SEPTIN9: variants seen among roughly 807,000 people sequenced by gnomAD.
SEPTIN9 encodes septin-9.
A neutral mutation model predicts 56.6 loss-of-function variants in SEPTIN9; 13 were observed. That is an observed-to-expected ratio of 0.23 (90% CI 0.15 to 0.37). The LOEUF is 0.37. SEPTIN9 is among the 10% of genes least tolerant of loss of function. The pLI, the probability that SEPTIN9 is intolerant of heterozygous loss-of-function variation, is 1.00. For synonymous variants in SEPTIN9, 332 were observed against 334.1 expected (o/e 0.99, Z 0.07); for missense variants, 650 against 823.1 (o/e 0.79, Z 2.57).
At chr17:77,424,626 G>T (rs1253488634) in intron 3 of SEPTIN9, among the ~76,000 whole-genome samples, 1 of 152,154 alleles carries the variant, frequency 6.6e-6, no homozygotes, top group Non-Finnish European at 1.5e-5. Context: ...GCTTTTTTCT[G>T]GGGGCCTTGC....
At chr17:77,412,530 A>G (rs1378593827) in intron 3 of SEPTIN9, among the ~76,000 whole-genome samples, 1 of 152,120 alleles carries the variant, frequency 6.6e-6, no homozygotes, top group African/African-American at 2.4e-5. Context: ...TGAGCTTAGG[A>G]GTTCGAGACC....
intron 2 of SEPTIN9, among the ~76,000 whole-genome samples, chr17:77,384,122 G>A (rs1281267268): frequency 6.6e-6 from 1 of 152,194 alleles, no homozygotes; most frequent in East Asian, 1.9e-4. Context: ...CCGGAGTGGG[G>A]TGATTCGCAA....
At chr17:77,375,567 G>A (rs978508422) in intron 2 of SEPTIN9, 2 of 152,306 alleles carry the variant, frequency 1.3e-5, no homozygotes, top group African/African-American at 4.8e-5. Flanking sequence ...TTCTGCGGCT[G>A]TCTCCCAAGC....
At chr17:77,452,438 T>A (rs1173868931) in intron 3 of SEPTIN9, among the ~76,000 whole-genome samples, 2 of 152,248 alleles carry the variant, frequency 1.3e-5, no homozygotes, top group Non-Finnish European at 2.9e-5. Flanking sequence ...ACTTCATCCC[T>A]GGCCCCTCTC....
chr17:77,282,726 C>G (rs1158962671), intron 1 of SEPTIN9, among the ~76,000 whole-genome samples: 1 of 152,354 alleles, frequency 6.6e-6, no homozygotes, highest in Middle Eastern at 3.4e-3. Context: ...TCTACGCACC[C>G]GGAGCACAGC....
At position 77,492,829 on chromosome 17, in the gene SEPTIN9, G is replaced by A. The variant is rs989512197; in HGVS notation, c.1476+113G>A. The A allele has an allele frequency of 8.1e-7, 1 of 1,233,966 alleles. No individual in the cohort carries two copies. The highest frequency in any genetic ancestry group is 1.2e-5 in the South Asian group (1 of 82,040). The allele number at this position is 1,233,966 out of a possible 1,614,324, so 76.4% of individuals were successfully genotyped here. A position where few individuals can be genotyped will look rare whatever the true frequency, so the allele number is the denominator to read the frequency against. On this transcript the variant is annotated intron_variant, in intron 9 of 11. Transcript: ENST00000427177. This position sits in a 1 kb window ranked among gnomAD's most constrained non-coding sequence, Gnocchi z 5.4. ...GAAATTATATTCTTGGGGCCAGAGGGCACTGAGCCCAGGTGTCTGTACCCA... is the reference window on the plus strand; with the variant it reads ...GAAATTATATTCTTGGGGCCAGAGGACACTGAGCCCAGGTGTCTGTACCCA...
chr17:77,411,654 C>T (rs753541750), intron 3 of SEPTIN9, among the ~76,000 whole-genome samples: 4 of 152,042 alleles, frequency 2.6e-5, no homozygotes, highest in Admixed American at 6.6e-5. Flanking sequence ...CCCACCTCGG[C>T]CTCCCAAAGT....
intron 10 of SEPTIN9, among the ~76,000 whole-genome samples, chr17:77,494,127 T>C (rs1248519994): frequency 6.6e-6 from 1 of 151,516 alleles, no homozygotes; most frequent in African/African-American, 2.5e-5. Context: ...ACTTAGGGCC[T>C]ACCCTAAGTG....
At chr17:77,388,870 G>A (rs913794502) in intron 2 of SEPTIN9, among the ~76,000 whole-genome samples, 43 of 129,330 alleles carry the variant, frequency 3.3e-4, no homozygotes, top group Admixed American at 1.2e-3. Flanking sequence ...TCCCCTAATG[G>A]ACAATGAGAC....
chr17:77,282,583 T>C (rs2031075810), intron 1 of SEPTIN9, among the ~76,000 whole-genome samples: 1 of 152,214 alleles, frequency 6.6e-6, no homozygotes, highest in African/African-American at 2.4e-5. Flanking sequence ...TGGCTTTCCA[T>C]ATTTAGGAAC....
chr17:77,335,634 C>T (rs1040053209), intron 2 of SEPTIN9, among the ~76,000 whole-genome samples: 2 of 143,788 alleles, frequency 1.4e-5, no homozygotes, highest in African/African-American at 2.6e-5. Flanking sequence ...ATATGTGGTC[C>T]TGTATTAGTA....
intron 2 of SEPTIN9, among the ~76,000 whole-genome samples, chr17:77,361,777 C>T (rs1208769208): frequency 6.6e-6 from 1 of 152,122 alleles, no homozygotes; most frequent in Non-Finnish European, 1.5e-5. Context: ...GGACTACAGG[C>T]GCCTGCCACC....
intron 3 of SEPTIN9, among the ~76,000 whole-genome samples, chr17:77,447,919 C>G (rs772613610): frequency 1.5e-4 from 23 of 152,218 alleles, no homozygotes; most frequent in Non-Finnish European, 2.6e-4. Context: ...GCCAACACAC[C>G]TGGCCACATT....
At position 77,368,131 on chromosome 17, in the gene SEPTIN9, C is replaced by T. The variant is rs150629821; in HGVS notation, c.77-33928C>T. 2.9e-3 allele frequency among the ~76,000 whole-genome samples: 436 copies of T among 152,250 alleles called. 1 individual carries two copies. The highest frequency in any genetic ancestry group is 9.7e-3 in the African/African-American group (402 of 41,556). ...CAAATTCATAGAGAAATTGGAATGA[C>T]GGTTGCCAGCAGCTAGGGGAAGGAA... On this transcript the variant is annotated intron_variant, in intron 2 of 11. Transcript: ENST00000427177.
intron 2 of SEPTIN9, chr17:77,373,762 C>T (rs1189362082): frequency 6.5e-6 from 6 of 924,690 alleles, no homozygotes; most frequent in South Asian, 2.3e-5. Context: ...TAGGGGCACC[C>T]GCGTAGACCC....
At position 77,323,160 on chromosome 17, in the gene SEPTIN9, G is replaced by C. The variant is rs979241365; in HGVS notation, c.76+15963G>C. On this transcript the variant is annotated intron_variant, in intron 2 of 11. Coordinates refer to ENST00000427177, the MANE Select transcript of SEPTIN9 (RefSeq NM_001113491.2). The surrounding 1 kb of genome is among the most constrained non-coding windows in gnomAD (Gnocchi z 6.8). ...TGGCTCCGGTCTGGTTTGTGAACGG[G>C]GGCCTGGGTACTCTCCCGCCCTCCC... 6.6e-6 allele frequency among the ~76,000 whole-genome samples: 1 copy of C among 152,150 alleles called. No individual in the cohort carries two copies. Among genetic ancestry groups the C allele is most frequent in the Non-Finnish European group, 1.5e-5 (1 of 68,016 alleles).
chr17:77,454,417 G>A (rs2038103434), intron 3 of SEPTIN9: 3 of 976,982 alleles, frequency 3.1e-6, no homozygotes, highest in African/African-American at 1.7e-5. Context: ...TCCCAGGAGG[G>A]CTCCCGAGGG....
intron 1 of SEPTIN9, among the ~76,000 whole-genome samples, chr17:77,292,524 C>T (rs1055767380): frequency 1.5e-4 from 23 of 150,916 alleles, no homozygotes; most frequent in African/African-American, 4.6e-4. Context: ...GATGGAGTCT[C>T]GCTCTGTCGC....
intron 1 of SEPTIN9, 80 bp from the exon 2 acceptor site, chr17:77,307,061 C>A: frequency 1.5e-6 from 2 of 1,326,136 alleles, no homozygotes; most frequent in Non-Finnish European, 1.1e-6. Flanking sequence ...AAGGCGAGGA[C>A]ATTCCTGGTG....
Sources: allele counts gnomAD v4.1 joint callset (sites outside exome capture counted in the v4.1 genomes callset), GRCh38; gene constraint gnomAD v4.1.1; non-coding constraint Gnocchi (gnomAD v3.1); transcripts MANE v1.5; gene names NCBI Gene and HGNC (gene_info 2026-07-23, HGNC 2026-07-21).